The following RUNX1T1 variants were observed in gnomAD, a reference collection of about 807,000 sequenced individuals.
RUNX1T1 encodes the protein RUNX1 partner transcriptional co-repressor 1.
In RUNX1T1, 4 loss-of-function variants were observed where a neutral mutation model predicts 62.8. That is an observed-to-expected ratio of 0.06 (90% confidence interval 0.03 to 0.15). The LOEUF is 0.15. Among genes scored for constraint, RUNX1T1 ranks in the 10% least tolerant of loss-of-function variants. The probability of loss-of-function intolerance (pLI) is 1.00; values close to 1 mark genes in which losing one functional copy is unlikely to be tolerated. For missense variants in RUNX1T1, 508 were observed against 754.3 expected (o/e 0.67, Z 3.82); for synonymous variants, 291 against 286.0 (o/e 1.02, Z -0.18).
chr8:92,069,553 CAA>C (rs1401675844), intron 2 of RUNX1T1, among the ~76,000 whole-genome samples: 4 of 152,110 alleles, frequency 2.6e-5, no homozygotes, highest in African/African-American at 7.2e-5. Flanking sequence ...ATAAACAATT[CAA>C]AGTTACTCAA....
At chr8:92,045,787 A>G (rs1265322252) in intron 1 of RUNX1T1, among the ~76,000 whole-genome samples, 1 of 152,114 alleles carries the variant, frequency 6.6e-6, no homozygotes, top group Non-Finnish European at 1.5e-5. Flanking sequence ...AACCCCTGCT[A>G]CGCTTAGTAG....
intron 1 of RUNX1T1, among the ~76,000 whole-genome samples, chr8:92,034,337 A>C (rs908635445): frequency 9.2e-5 from 14 of 152,158 alleles, no homozygotes; most frequent in South Asian, 2.1e-4. Flanking sequence ...ACAATCCCCC[A>C]AAAAATGATC....
At chr8:91,964,519 A>G (rs956828922) in intron 10 of RUNX1T1, among the ~76,000 whole-genome samples, 14 of 152,192 alleles carry the variant, frequency 9.2e-5, no homozygotes, top group Non-Finnish European at 1.9e-4. Context: ...ATCTACTTGC[A>G]TTGCACTTGA....
intron 1 of RUNX1T1, among the ~76,000 whole-genome samples, chr8:92,021,790 C>G (rs2131218097): frequency 6.6e-6 from 1 of 151,962 alleles, no homozygotes; most frequent in East Asian, 1.9e-4. Flanking sequence ...TCTCTTGTGT[C>G]TTCAACTCCA....
intron 1 of RUNX1T1, among the ~76,000 whole-genome samples, chr8:92,054,807 A>C (rs1301100236): frequency 6.6e-6 from 1 of 152,098 alleles, no homozygotes; most frequent in African/African-American, 2.4e-5. Flanking sequence ...CATCCTGGCC[A>C]ACATGGTGAA....
exon 11 of RUNX1T1, chr8:91,960,010 T>A: frequency 1.8e-6 from 1 of 564,944 alleles, no homozygotes; most frequent in East Asian, 3.0e-5. Flanking sequence ...TTCAGTTCTC[T>A]AAAGAAAAGA....
chr8:91,980,872 A>G (rs535038024), intron 8 of RUNX1T1, among the ~76,000 whole-genome samples: 8 of 151,954 alleles, frequency 5.3e-5, no homozygotes, highest in African/African-American at 1.9e-4. Flanking sequence ...GGGTCTCACT[A>G]TGTTTTCCAG....
upstream of RUNX1T1, among the ~76,000 whole-genome samples, chr8:92,065,893 C>A (rs1231582262): frequency 6.6e-6 from 1 of 152,168 alleles, no homozygotes; most frequent in Non-Finnish European, 1.5e-5. Context: ...TTCAAAGGAG[C>A]TGAAACCTCA....
chr8:91,955,179 G>C (rs886181379), downstream of RUNX1T1: 31 of 216,722 alleles, frequency 1.4e-4, no homozygotes, highest in Non-Finnish European at 1.9e-5. Flanking sequence ...GTCTCATACT[G>C]TTCGCGTAAA....
At chr8:92,051,316 C>G (rs1382679960) in intron 1 of RUNX1T1, among the ~76,000 whole-genome samples, 1 of 151,966 alleles carries the variant, frequency 6.6e-6, no homozygotes, top group Non-Finnish European at 1.5e-5. Flanking sequence ...AGGTACCAGC[C>G]CAACCCTCGA....
rs907775166 is a variant in RUNX1T1 at position 92,001,159 on chromosome 8, T to TA, written c.659+3956dup. On this transcript the variant is annotated intron_variant, in intron 5 of 10. Coordinates refer to ENST00000396218, the Ensembl canonical transcript of RUNX1T1. ...TGGGCAACATAGCGAGACACTGTCT[T>TA]AAAAAAAAAAATACAGATAACATCC... Among the ~76,000 whole-genome samples the TA allele has an allele frequency of 7.3e-4, 107 of 147,430 alleles. 1 individual carries two copies. Among genetic ancestry groups the TA allele is most frequent in the Middle Eastern group, 3.5e-3 (1 of 286 alleles).
intron 8 of RUNX1T1, 181 bp from the exon 10 acceptor site, chr8:91,976,154 G>A (rs986822040): frequency 9.1e-6 from 5 of 547,850 alleles, no homozygotes; most frequent in Non-Finnish European, 1.7e-5. Context: ...CCTGTCATCA[G>A]AGCCCAAGGA....
At chr8:92,031,247 T>C (rs776153126) in intron 1 of RUNX1T1, among the ~76,000 whole-genome samples, 2 of 152,214 alleles carry the variant, frequency 1.3e-5, no homozygotes, top group Non-Finnish European at 2.9e-5. Context: ...AGTAGGCCCT[T>C]AGTTTTTTGT....
At chr8:91,981,539 C>T (rs963098832) in intron 8 of RUNX1T1, among the ~76,000 whole-genome samples, 5 of 150,910 alleles carry the variant, frequency 3.3e-5, no homozygotes, top group African/African-American at 4.9e-5. Flanking sequence ...CTCAGCCTCC[C>T]GAGTAGCTGG....
At chr8:92,067,759 CAA>C (rs1331645338), upstream of RUNX1T1, among the ~76,000 whole-genome samples, 1 of 152,066 alleles carries the variant, frequency 6.6e-6, no homozygotes, top group Non-Finnish European at 1.5e-5. Context: ...CTGTTTAAGA[CAA>C]AATATCACAC....
At chr8:91,987,044 C>A in intron 6 of RUNX1T1, 72 bp from the exon 8 acceptor site, 1 of 997,670 alleles carries the variant, frequency 1.0e-6, no homozygotes, top group South Asian at 1.3e-5. Flanking sequence ...AGACTCATAG[C>A]AAGGACTATG....
chr8:92,068,281 G>A (rs1377822725), intron 2 of RUNX1T1, among the ~76,000 whole-genome samples: 1 of 152,076 alleles, frequency 6.6e-6, no homozygotes, highest in East Asian at 1.9e-4. Flanking sequence ...ATTTGACAAG[G>A]ACTGTAACAC....
At chr8:91,974,768 A>C (rs1453853913) in intron 9 of RUNX1T1, among the ~76,000 whole-genome samples, 2 of 152,218 alleles carry the variant, frequency 1.3e-5, no homozygotes, top group African/African-American at 4.8e-5. Context: ...TTGGACGTGC[A>C]AGACAGCTTT....
intron 1 of RUNX1T1, among the ~76,000 whole-genome samples, chr8:92,038,010 G>T (rs1223032472): frequency 2.0e-5 from 3 of 150,958 alleles, no homozygotes; most frequent in African/African-American, 7.4e-5. Flanking sequence ...TCACCCCTTT[G>T]TTTCCTTCCC....
Sources: allele counts gnomAD v4.1 joint callset (sites outside exome capture counted in the v4.1 genomes callset), GRCh38; gene constraint gnomAD v4.1.1; transcripts MANE v1.5; gene names NCBI Gene and HGNC (gene_info 2026-07-23, HGNC 2026-07-21).